Variants in SAMD8 observed in about 807,000 individuals in gnomAD.
SAMD8 encodes sphingomyelin synthase-related protein 1.
Under a neutral mutation model 42.0 loss-of-function variants are expected in SAMD8, and 20 were observed. That is an observed-to-expected ratio of 0.48 (90% confidence interval 0.34 to 0.69). The LOEUF (loss-of-function observed/expected upper bound fraction) is 0.69. Ranked by LOEUF, SAMD8 falls within the 30% of genes least tolerant of loss-of-function variation. The pLI, the probability that SAMD8 is intolerant of heterozygous loss-of-function variation, is 0.01. For synonymous variants in SAMD8, 162 were observed against 173.0 expected (o/e 0.94, Z 0.50); for missense variants, 328 against 511.6 (o/e 0.64, Z 3.46).
chr10:75,137,464 C>T (rs1374064223), intron 1 of SAMD8, among the ~76,000 whole-genome samples: 6 of 151,388 alleles, frequency 4.0e-5, no homozygotes, highest in Non-Finnish European at 7.4e-5. Context: ...TGCTTGAACC[C>T]GGGAGGCGGA....
chr10:75,099,612 G>A, exon 1 of SAMD8: 2 of 1,151,708 alleles, frequency 1.7e-6, no homozygotes, highest in Non-Finnish European at 2.2e-6. Context: ...CTTGTGGACT[G>A]CAGTGGGCCC....
At chr10:75,108,157 G>A (rs1335287524), upstream of SAMD8, 1 of 1,612,722 alleles carries the variant, frequency 6.2e-7, no homozygotes. Context: ...GCGGCGTTCA[G>A]CACGTGGGTG....
chr10:75,111,767 C>T (rs1446151893), intron 1 of SAMD8, 45 bp downstream of exon 1: 3 of 1,232,700 alleles, frequency 2.4e-6, no homozygotes, highest in South Asian at 4.1e-5. Flanking sequence ...TGGGGGGCGC[C>T]TGCTGCCAAG....
rs190165211 is a variant in SAMD8, at chr10:75,168,882, G to A, written c.792+224G>A. 3.1e-3 allele frequency among the ~76,000 whole-genome samples: 475 copies of A among 152,256 alleles called. 5 individuals carry two copies. Among genetic ancestry groups the A allele is most frequent in the African/African-American group, 0.011 (452 of 41,552 alleles). ...TATGCTATGGAGCTATAGAAAACAA[G>A]TTTCTTTCGGCCGGGCGCAGTGGCT... is the stretch of plus-strand genomic sequence containing the variant. On this transcript the variant is annotated intron_variant, in intron 4 of 5. Transcript: ENST00000542569.
rs1240252129 is a variant in SAMD8, at chr10:75,150,466, T to C, written c.-15-48T>C. The C allele has an allele frequency of 4.5e-6, 7 of 1,544,082 alleles. No individual in the cohort carries two copies. In the East Asian group the frequency reaches 1.3e-4, roughly 30 times the overall value. On this transcript the variant is annotated intron_variant, in intron 1 of 5. Transcript: ENST00000542569. ...GTGTGTTTGTCTTTGAAGAAATTGT[T>C]AGGACATACTGAAGCTTTTGTTTTG...
intron 1 of SAMD8, among the ~76,000 whole-genome samples, chr10:75,134,626 CT>C (rs200286532): frequency 0.097 from 14,651 of 151,728 alleles, 1,056 homozygotes; most frequent in African/African-American, 0.2. Context: ...CAGAGTGAGA[CT>C]TTCCCCCCCC....
rs1840987776 is a variant in SAMD8 at position 75,176,217 on chromosome 10, G to A, written c.943+1G>A. ...ATGCTGAATTTCTTTGTCACCGAAT[G>A]TAAGTATCTTTTTAGTGCTTCTATG... is the stretch of plus-strand genomic sequence containing the variant. On this transcript the variant is annotated splice_donor_variant, in intron 5 of 5. Coordinates refer to ENST00000542569, the MANE Select transcript of SAMD8 (RefSeq NM_001174156.2). LOFTEE classifies it high-confidence loss of function. The surrounding 1 kb of genome is among the most constrained non-coding windows in gnomAD (Gnocchi z 4.3). 6 of 1,614,080 alleles carry A rather than the reference G, an allele frequency of 3.7e-6. No individual in the cohort carries two copies. The highest frequency in any genetic ancestry group is 1.1e-5 in the South Asian group (1 of 91,094).
At chr10:75,134,241 A>C (rs559436241) in intron 1 of SAMD8, among the ~76,000 whole-genome samples, 1 of 152,262 alleles carries the variant, frequency 6.6e-6, no homozygotes, top group Non-Finnish European at 1.5e-5. Context: ...TGCAGGGCTT[A>C]ATACCTAGGT....
chr10:75,150,629 G>A lies in SAMD8; in HGVS notation c.101G>A (p.Cys34Tyr). The A allele has an allele frequency of 6.2e-7, 1 of 1,614,192 alleles. No homozygotes were observed. The highest frequency in any genetic ancestry group is 1.1e-5 in the South Asian group (1 of 91,082). The change falls in exon 2 of 6, where the codon TGC (cysteine) becomes TAC (tyrosine). Residue 34 changes from cysteine to tyrosine, a missense_variant. By Grantham distance (194) the Cys-to-Tyr change is radical (BLOSUM62 -2). This residue lies in a region of SAMD8 where 150 missense variants were observed against 186.0 expected (regional missense o/e 0.81). Coordinates refer to ENST00000542569, the MANE Select transcript of SAMD8 (RefSeq NM_001174156.2). The stretch of plus-strand genomic sequence containing the variant: ...TTTTTTGAATATGTGGACATTTTAT[G>A]CAATAAGCACCGACTTGATGGAATC... ...EGFFEYVDIL[C>Y]NKHRLDGITL...
upstream of SAMD8, among the ~76,000 whole-genome samples, chr10:75,111,078 G>T (rs543583029): frequency 2.0e-5 from 3 of 152,354 alleles, no homozygotes; most frequent in East Asian, 5.8e-4. Context: ...CTCCCAAAGT[G>T]CTGGGATTAC....
At chr10:75,130,948 T>C (rs1189357945) in intron 1 of SAMD8, among the ~76,000 whole-genome samples, 1 of 152,234 alleles carries the variant, frequency 6.6e-6, no homozygotes, top group Non-Finnish European at 1.5e-5. Flanking sequence ...ATGTAGCTGC[T>C]GCTGCTGTTA....
At chr10:75,170,417 T>G (rs1239551177) in intron 4 of SAMD8, among the ~76,000 whole-genome samples, 1 of 152,118 alleles carries the variant, frequency 6.6e-6, no homozygotes, top group African/African-American at 2.4e-5. Flanking sequence ...ACCCCTGAGC[T>G]GAAGGGTGAC....
upstream of SAMD8, among the ~76,000 whole-genome samples, chr10:75,109,455 A>G (rs1848710580): frequency 6.6e-6 from 1 of 152,230 alleles, no homozygotes; most frequent in African/African-American, 2.4e-5. Flanking sequence ...GATTAGATGA[A>G]ACAAAGGACA....
chr10:75,169,759 A>C (rs757324695), intron 4 of SAMD8, among the ~76,000 whole-genome samples: 3 of 151,958 alleles, frequency 2.0e-5, no homozygotes, highest in Non-Finnish European at 4.4e-5. Context: ...AATACAGAAA[A>C]TTACCTGGTC....
chr10:75,120,774 C>CTTTTTT (rs111866437), intron 1 of SAMD8, among the ~76,000 whole-genome samples: 63 of 80,158 alleles, frequency 7.9e-4, no homozygotes, highest in Admixed American at 1.9e-3. Context: ...TAATTTCCAT[C>CTTTTTT]TTTTTTTTTT....
Position 75,143,183 on chromosome 10 carries a change from C to T in SAMD8, c.-15-7331C>T, listed in dbSNP as rs183390951. On this transcript the variant is annotated intron_variant, in intron 1 of 5. Coordinates refer to ENST00000542569, the MANE Select transcript of SAMD8 (RefSeq NM_001174156.2). ...TTAGCCTGGTGCAGTGGCACGGGCCCATAATCCCAGCTACTGGGGAGGCTG... is the reference window on the plus strand; with the variant it reads ...TTAGCCTGGTGCAGTGGCACGGGCCTATAATCCCAGCTACTGGGGAGGCTG... 1.3e-3 allele frequency among the ~76,000 whole-genome samples: 204 copies of T among 152,226 alleles called. 2 individuals carry two copies. The highest frequency in any genetic ancestry group is 0.01 in the Middle Eastern group (3 of 294).
intron 1 of SAMD8, 127 bp from the exon 2 acceptor site, chr10:75,150,387 G>C: frequency 7.0e-7 from 1 of 1,436,520 alleles, no homozygotes. Context: ...CTCCCAAAGT[G>C]CTGGGGATTG....
intron 1 of SAMD8, among the ~76,000 whole-genome samples, chr10:75,130,339 T>A (rs1278941624): frequency 6.6e-6 from 1 of 151,734 alleles, no homozygotes; most frequent in Non-Finnish European, 1.5e-5. Context: ...CCGTCTCTAC[T>A]AAAAATACAA....
intron 1 of SAMD8, among the ~76,000 whole-genome samples, chr10:75,114,775 T>C (rs1848840534): frequency 6.6e-6 from 1 of 152,238 alleles, no homozygotes; most frequent in Non-Finnish European, 1.5e-5. Flanking sequence ...ATCTTTCCTG[T>C]CTTCAGATTC....
Sources: allele counts gnomAD v4.1 joint callset (sites outside exome capture counted in the v4.1 genomes callset), GRCh38; gene constraint gnomAD v4.1.1; regional missense constraint gnomAD v4.1.1; non-coding constraint Gnocchi (gnomAD v3.1); transcripts MANE v1.5; gene names NCBI Gene and HGNC (gene_info 2026-07-23, HGNC 2026-07-21).